The following WFDC10B variants were observed in gnomAD, a reference collection of about 807,000 sequenced individuals.
The protein encoded by WFDC10B is WAP four-disulfide core domain 10B, also known as protein WFDC10B.
Under a neutral mutation model 2.7 loss-of-function variants are expected in WFDC10B, and 1 was observed. The ratio of observed to expected loss-of-function variants is 0.38; its 90% CI spans 0.13 to 1.79. The LOEUF (loss-of-function observed/expected upper bound fraction) is 1.79. Among genes scored for constraint, WFDC10B ranks in the 40% most tolerant of loss-of-function variants. The probability of loss-of-function intolerance (pLI) is 0.33; values close to 1 mark genes in which losing one functional copy is unlikely to be tolerated. For synonymous variants in WFDC10B, 26 were observed against 32.2 expected (o/e 0.81, Z 0.65); for missense variants, 71 against 87.8 (o/e 0.81, Z 0.76).
At position 45,685,797 on chromosome 20, in the gene WFDC10B, G is replaced by T. The variant is rs189004989; in HGVS notation, c.91+105C>A. ...CTGCACAGCATTGTGGTCAGAGCTGGATATGCAGAAAGGTTGCAAGTCCTA... is the reference window on the plus strand; with the variant it reads ...CTGCACAGCATTGTGGTCAGAGCTGTATATGCAGAAAGGTTGCAAGTCCTA... On this transcript the variant is annotated intron_variant, in intron 3 of 3. Transcript: ENST00000330523. The T allele has an allele frequency of 2.6e-6, 4 of 1,513,412 alleles. No individual in the cohort carries two copies. The East Asian group carries it at 7.3e-5, about 28-fold the overall frequency. 93.7% of individuals were successfully genotyped at this position (1,513,412 alleles called of 1,614,324 possible).
intron 3 of WFDC10B, among the ~76,000 whole-genome samples, chr20:45,685,567 C>T (rs966948601): frequency 6.6e-6 from 1 of 152,210 alleles, no homozygotes; most frequent in Non-Finnish European, 1.5e-5. Flanking sequence ...GTTCACTCCT[C>T]ACAAATGTGC....
In WFDC10B at chr20:45,697,378, CATTT is replaced by C. The variant is rs1283359617; in HGVS notation, c.-65+7115_-65+7118del. ...CTCAAGAAATAGAAAGACATCCCAT[CATTT>C]TTTTTTTTTTTTTTTTTTTTGAGAC... On this transcript the variant is annotated intron_variant, in intron 2 of 3. Transcript: ENST00000330523. Among the ~76,000 whole-genome samples the C allele has an allele frequency of 4.2e-3, 407 of 97,394 alleles. 1 individual carries two copies. The highest frequency in any genetic ancestry group is 0.015 in the African/African-American group (372 of 24,308). The allele number at this position is 97,394 out of a possible 152,430, so 63.9% of individuals were successfully genotyped here.
chr20:45,689,527 T>G (rs1405270107), intron 2 of WFDC10B, among the ~76,000 whole-genome samples: 1 of 152,132 alleles, frequency 6.6e-6, no homozygotes, highest in Non-Finnish European at 1.5e-5. Flanking sequence ...TGAGCAGTGG[T>G]TTGTAGTTCT....
At chr20:45,690,230 G>A (rs2145636061) in intron 2 of WFDC10B, among the ~76,000 whole-genome samples, 2 of 149,024 alleles carry the variant, frequency 1.3e-5, no homozygotes, top group Admixed American at 6.8e-5. Flanking sequence ...TGTGCTGCTG[G>A]ATTCGGTTTG....
intron 2 of WFDC10B, among the ~76,000 whole-genome samples, chr20:45,689,481 T>G (rs1478860458): frequency 6.6e-6 from 1 of 152,196 alleles, no homozygotes; most frequent in Non-Finnish European, 1.5e-5. Context: ...GAGCATGGAA[T>G]GTTCTTCCAT....
intron 2 of WFDC10B, among the ~76,000 whole-genome samples, chr20:45,688,581 T>A (rs1225683597): frequency 2.0e-5 from 3 of 152,180 alleles, no homozygotes; most frequent in Non-Finnish European, 4.4e-5. Context: ...TTTGCATTTC[T>A]CTGATGGCCA....
At chr20:45,698,809 A>G (rs1245932886) in intron 2 of WFDC10B, among the ~76,000 whole-genome samples, 1 of 151,976 alleles carries the variant, frequency 6.6e-6, no homozygotes, top group Non-Finnish European at 1.5e-5. Flanking sequence ...TCTACTAAAA[A>G]TACAAAAATT....
rs1195913853 is a variant in WFDC10B at position 45,704,460 on chromosome 20, T to TC, written c.-65+36dup. ...GTGTTCCAGAGTATATCTTGGAACC[T>TC]CCACCCTGCATATCAGCACCTGAAA... On this transcript the variant is annotated intron_variant, in intron 2 of 3. Transcript: ENST00000330523. The TC allele has an allele frequency of 2.2e-5, 35 of 1,613,838 alleles. No homozygotes were observed. The Admixed American group carries it at 5.7e-4, about 26-fold the overall frequency.
chr20:45,685,516 C>G (rs1004362054), intron 3 of WFDC10B, among the ~76,000 whole-genome samples: 2 of 152,096 alleles, frequency 1.3e-5, no homozygotes, highest in African/African-American at 4.8e-5. Context: ...CACTTATACC[C>G]ATTTCTACAC....
intron 2 of WFDC10B, among the ~76,000 whole-genome samples, chr20:45,702,941 A>G (rs1470699899): frequency 2.0e-5 from 3 of 152,214 alleles, no homozygotes; most frequent in Non-Finnish European, 4.4e-5. Context: ...GTGGTAGCTC[A>G]TGTGTCTGGG....
chr20:45,694,773 C>G (rs2088139309), intron 2 of WFDC10B, among the ~76,000 whole-genome samples: 1 of 152,172 alleles, frequency 6.6e-6, no homozygotes, highest in African/African-American at 2.4e-5. Context: ...CCCTAGGTAG[C>G]CTCAGGATGG....
At chr20:45,701,431 A>G (rs1984155134) in intron 2 of WFDC10B, among the ~76,000 whole-genome samples, 1 of 152,158 alleles carries the variant, frequency 6.6e-6, no homozygotes, top group Non-Finnish European at 1.5e-5. Context: ...GAATTAGTTG[A>G]AAAGTTATGA....
intron 2 of WFDC10B, among the ~76,000 whole-genome samples, chr20:45,690,033 T>G (rs557367048): frequency 6.4e-4 from 98 of 152,284 alleles, no homozygotes; most frequent in African/African-American, 2.3e-3. Flanking sequence ...CCTAATTTAT[T>G]GAGAGTTTTT....
intron 2 of WFDC10B, among the ~76,000 whole-genome samples, chr20:45,701,843 A>T (rs1460296364): frequency 6.6e-6 from 1 of 152,134 alleles, no homozygotes; most frequent in East Asian, 1.9e-4. Context: ...TTATAAAAAA[A>T]TGTTAAGGGA....
chr20:45,696,433 A>T (rs1983982695), intron 2 of WFDC10B, among the ~76,000 whole-genome samples: 1 of 152,126 alleles, frequency 6.6e-6, no homozygotes, highest in African/African-American at 2.4e-5. Flanking sequence ...TAGGAAATAG[A>T]AAACCAATAA....
chr20:45,698,997 G>GAGGGGA (rs1170717242), intron 2 of WFDC10B, among the ~76,000 whole-genome samples: 2 of 150,336 alleles, frequency 1.3e-5, no homozygotes, highest in African/African-American at 4.9e-5. Context: ...GGAGGAGAAG[G>GAGGGGA]AGGGGGAGGG....
Position 45,692,255 on chromosome 20 carries a change from G to T in WFDC10B, c.-64-6199C>A, listed in dbSNP as rs575475251. Among the ~76,000 whole-genome samples the T allele has an allele frequency of 4.8e-3, 731 of 152,002 alleles. 7 individuals carry two copies. The highest frequency in any genetic ancestry group is 0.016 in the African/African-American group (657 of 41,418). On this transcript the variant is annotated intron_variant, in intron 2 of 3. Coordinates refer to ENST00000330523, the MANE Select transcript of WFDC10B (RefSeq NM_172006.2). Reference sequence around the variant, plus strand: ...TGTGGGTAACCCGACCTTTCTCTCTGGCTGCCCTTAACATTTTTTCCTTGA... The same window carrying T: ...TGTGGGTAACCCGACCTTTCTCTCTTGCTGCCCTTAACATTTTTTCCTTGA...
rs1037940667 is a variant in WFDC10B at position 45,698,576 on chromosome 20, GA to G, written c.-65+5920del. On this transcript the variant is annotated intron_variant, in intron 2 of 3. Transcript: ENST00000330523. ...TTAAAGAACTCTTATGACTCAAGAA[GA>G]AAAAAAAAAAAAAACCCAATTACAA... is the stretch of plus-strand genomic sequence containing the variant. 9.4e-3 allele frequency among the ~76,000 whole-genome samples: 999 copies of G among 106,324 alleles called. 5 individuals are homozygous for G. Among genetic ancestry groups the G allele is most frequent in the African/African-American group, 0.027 (779 of 28,684 alleles). 69.8% of individuals were successfully genotyped at this position (106,324 alleles called of 152,430 possible).
intron 2 of WFDC10B, among the ~76,000 whole-genome samples, chr20:45,699,602 G>T (rs1183234632): frequency 6.6e-6 from 1 of 152,212 alleles, no homozygotes; most frequent in Non-Finnish European, 1.5e-5. Context: ...CAGTCACATT[G>T]TTGGTGGCAT....
Sources: gnomAD v4.1 joint callset for allele counts (sites outside exome capture counted in the v4.1 genomes callset) on GRCh38, gnomAD v4.1.1 for gene constraint, MANE v1.5 for transcripts, NCBI Gene and HGNC (gene_info 2026-07-23, HGNC 2026-07-21) for gene names.